Variants in MYO18B observed in about 807,000 individuals in gnomAD.
MYO18B encodes the protein myosin XVIIIB, also known as unconventional myosin-XVIIIb.
In MYO18B, 204 loss-of-function variants were observed where a neutral mutation model predicts 273.0. The observed-to-expected ratio is 0.75, with a 90% CI of 0.67 to 0.84. The LOEUF is 0.84. Among genes scored for constraint, MYO18B ranks in the 40% least tolerant of loss-of-function variants. MYO18B has a pLI of 0.00. For missense variants in MYO18B, 3,212 were observed against 3,287.6 expected (o/e 0.98, Z 0.56); for synonymous variants, 1,330 against 1,305.7 (o/e 1.02, Z -0.40).
chr22:25,921,855 T>G (rs113479035), intron 34 of MYO18B, among the ~76,000 whole-genome samples: 35 of 142,902 alleles, frequency 2.4e-4, no homozygotes, highest in African/African-American at 8.6e-4. Context: ...TGTGTGTGTG[T>G]GGTGACTGCC....
chr22:25,900,295 G>A (rs568049015), intron 29 of MYO18B: 1 of 152,348 alleles, frequency 6.6e-6, no homozygotes, highest in African/African-American at 2.4e-5. Flanking sequence ...AGCATTTTAT[G>A]TCTCAGTCTA....
intron 22 of MYO18B, among the ~76,000 whole-genome samples, chr22:25,869,039 C>G (rs565510591): frequency 1.3e-5 from 2 of 152,228 alleles, no homozygotes; most frequent in East Asian, 3.9e-4. Flanking sequence ...TGTGGAATAC[C>G]TAGTACCATC....
chr22:25,807,423 C>T (rs2088529319), intron 12 of MYO18B, among the ~76,000 whole-genome samples: 1 of 152,230 alleles, frequency 6.6e-6, no homozygotes, highest in Non-Finnish European at 1.5e-5. Flanking sequence ...CTTGAACAAT[C>T]ACTTTATTAT....
intron 11 of MYO18B, among the ~76,000 whole-genome samples, chr22:25,793,411 A>G (rs1172632797): frequency 6.6e-6 from 1 of 151,968 alleles, no homozygotes; most frequent in Non-Finnish European, 1.5e-5. Context: ...ATTTTTATAT[A>G]TTTTTTATAG....
At chr22:25,788,427 T>G (rs1487329675) in intron 11 of MYO18B, among the ~76,000 whole-genome samples, 1 of 152,112 alleles carries the variant, frequency 6.6e-6, no homozygotes, top group Non-Finnish European at 1.5e-5. Flanking sequence ...TTGAATAATG[T>G]TTTAGTATAA....
At chr22:25,833,903 CT>C (rs1373622547) in intron 16 of MYO18B, among the ~76,000 whole-genome samples, 1 of 152,190 alleles carries the variant, frequency 6.6e-6, no homozygotes, top group Admixed American at 6.5e-5. Flanking sequence ...CAGGCTTTCT[CT>C]TGGCACACAG....
Position 25,745,447 on chromosome 22 carries a change from C to T in MYO18B, c.-110+3154C>T, listed in dbSNP as rs1047321796. Among the ~76,000 whole-genome samples, 4 of 149,518 alleles carry T rather than the reference C, an allele frequency of 2.7e-5. No homozygotes were observed. The East Asian group carries it at 8.0e-4, about 30-fold the overall frequency. On this transcript the variant is annotated intron_variant, in intron 1 of 43. Transcript: ENST00000335473. Reference sequence around the variant, plus strand: ...TTATGACACAAACAAGGGCCTTGGACATCAAGGTAGATTTCTCTCTCTCTG... The same window carrying T: ...TTATGACACAAACAAGGGCCTTGGATATCAAGGTAGATTTCTCTCTCTCTG...
Position 25,974,738 on chromosome 22 carries a change from G to T in MYO18B, c.6157-17625G>T, listed in dbSNP as rs149018654. ...TGTTTTGGAACATAAAACTGAAAGGGTCCCACCAAGCACTTGGATTTGCAC... is the reference window on the plus strand; with the variant it reads ...TGTTTTGGAACATAAAACTGAAAGGTTCCCACCAAGCACTTGGATTTGCAC... On this transcript the variant is annotated intron_variant, in intron 39 of 43. Coordinates refer to ENST00000335473, the MANE Select transcript of MYO18B (RefSeq NM_032608.7). Among the ~76,000 whole-genome samples, 198 of 152,264 alleles carry T rather than the reference G, an allele frequency of 1.3e-3. 5 individuals are homozygous for T. In the South Asian group the frequency reaches 0.026, roughly 20 times the overall value.
At chr22:25,744,535 T>G (rs2085719136) in intron 1 of MYO18B, among the ~76,000 whole-genome samples, 1 of 151,952 alleles carries the variant, frequency 6.6e-6, no homozygotes, top group Admixed American at 6.6e-5. Flanking sequence ...ATCGAGACCA[T>G]CCTGGCTAAC....
At chr22:25,878,820 G>A (rs1331078799) in intron 25 of MYO18B, among the ~76,000 whole-genome samples, 2 of 152,196 alleles carry the variant, frequency 1.3e-5, no homozygotes, top group African/African-American at 4.8e-5. Context: ...GAACAATTTG[G>A]CATTATCTGT....
chr22:25,770,120 A>G lies in MYO18B; in HGVS notation c.1523A>G (p.Asp508Gly). ...GATGTTGGTTCTCAGGCTCCTGAGG[A>G]CAGATGGTATGAGGCAGAGAAAGTC... is the stretch of plus-strand genomic sequence containing the variant. Reference protein sequence around the residue: ...QSRDSDQAPEDRWYEAEKVWL... With the variant: ...QSRDSDQAPEGRWYEAEKVWL... Residue 508 changes from aspartate (D) to glycine (G), a missense_variant, in exon 5 of 44, where the codon GAC becomes GGC. Physicochemically the swap from Asp to Gly is moderately conservative, Grantham distance 94. Coordinates refer to ENST00000335473, the MANE Select transcript of MYO18B (RefSeq NM_032608.7). 1.2e-6 allele frequency: 2 copies of G among 1,613,860 alleles called. No homozygotes were observed. The highest frequency in any genetic ancestry group is 8.5e-7 in the Non-Finnish European group (1 of 1,179,848).
At chr22:25,822,467 C>G (rs887915162) in intron 12 of MYO18B, among the ~76,000 whole-genome samples, 1 of 152,232 alleles carries the variant, frequency 6.6e-6, no homozygotes, top group African/African-American at 2.4e-5. Context: ...TGTTGTCACA[C>G]TCCCTCAATG....
chr22:25,757,805 G>C (rs2037480514), intron 1 of MYO18B, among the ~76,000 whole-genome samples: 1 of 152,130 alleles, frequency 6.6e-6, no homozygotes, highest in African/African-American at 2.4e-5. Flanking sequence ...CCTCCCACTT[G>C]ATTTTCTACA....
intron 39 of MYO18B, among the ~76,000 whole-genome samples, chr22:25,982,177 A>G (rs568219754): frequency 1.9e-4 from 29 of 152,320 alleles, no homozygotes; most frequent in African/African-American, 6.7e-4. Flanking sequence ...CCCCTCTTCC[A>G]ACACTGGGGA....
At chr22:25,819,738 A>G (rs187954051) in intron 12 of MYO18B, among the ~76,000 whole-genome samples, 56 of 152,260 alleles carry the variant, frequency 3.7e-4, no homozygotes, top group African/African-American at 1.3e-3. Context: ...AGTCACAAAG[A>G]TATGGCAAAA....
chr22:25,835,072 A>T (rs2089848061), intron 16 of MYO18B, among the ~76,000 whole-genome samples: 1 of 152,212 alleles, frequency 6.6e-6, no homozygotes, highest in Admixed American at 6.5e-5. Flanking sequence ...GCCACACAGG[A>T]GGTGAGCACA....
intron 11 of MYO18B, among the ~76,000 whole-genome samples, chr22:25,792,162 TACTG>T (rs1569025469): frequency 6.6e-6 from 1 of 152,188 alleles, no homozygotes; most frequent in Non-Finnish European, 1.5e-5. Context: ...CAGTGACACT[TACTG>T]ACCGTGCCCT....
Position 25,768,219 on chromosome 22 carries a change from C to A in MYO18B, c.303C>A (p.Ser101Arg). The change falls in exon 4 of 44, where the codon AGC becomes AGA. Residue 101 changes from serine (S) to arginine (R), a missense_variant. Transcript: ENST00000335473. ...SQDDQSSSPG[S>R]SDILGKESEG... ...ACGACCAGTCAAGCTCTCCTGGGAG[C>A]TCAGACATTCTGGGCAAGGAGAGCG... 6.2e-7 allele frequency: 1 copy of A among 1,614,028 alleles called. No individual in the cohort carries two copies. Among genetic ancestry groups the A allele is most frequent in the Non-Finnish European group, 8.5e-7 (1 of 1,179,900 alleles).
At chr22:25,909,305 T>C (rs2092109980) in intron 32 of MYO18B, among the ~76,000 whole-genome samples, 1 of 152,216 alleles carries the variant, frequency 6.6e-6, no homozygotes, top group Non-Finnish European at 1.5e-5. Flanking sequence ...ATCATACCTA[T>C]GTACAGAATA....
Sources: allele counts gnomAD v4.1 joint callset (sites outside exome capture counted in the v4.1 genomes callset), GRCh38; gene constraint gnomAD v4.1.1; transcripts MANE v1.5; gene names NCBI Gene and HGNC (gene_info 2026-07-23, HGNC 2026-07-21).